HTR3B: variants seen among roughly 807,000 people sequenced by gnomAD.
HTR3B encodes the protein 5-hydroxytryptamine receptor 3B.
Under a neutral mutation model 42.8 loss-of-function variants are expected in HTR3B, and 44 were observed. The ratio of observed to expected loss-of-function variants is 1.03; its 90% CI spans 0.81 to 1.32. HTR3B has a LOEUF of 1.32. HTR3B is among the 40% of genes most tolerant of loss of function. The pLI is 0.00. For missense variants in HTR3B, 527 were observed against 536.5 expected, an observed-to-expected ratio of 0.98 and a Z score of 0.17; for synonymous variants, 203 against 209.0, an observed-to-expected ratio of 0.97 and a Z score of 0.25.
intron 2 of HTR3B, among the ~76,000 whole-genome samples, chr11:113,921,376 C>A (rs1432870366): frequency 2.0e-5 from 3 of 151,832 alleles, no homozygotes; most frequent in African/African-American, 7.3e-5. Flanking sequence ...GAACTCCTGA[C>A]CTTGTGATCT....
At chr11:113,940,906 G>A (rs1950129881) in intron 6 of HTR3B, among the ~76,000 whole-genome samples, 1 of 152,196 alleles carries the variant, frequency 6.6e-6, no homozygotes, top group Non-Finnish European at 1.5e-5. Context: ...TCAGAGGTCT[G>A]GTCAGGTCAA....
upstream of HTR3B, among the ~76,000 whole-genome samples, chr11:113,902,665 A>G (rs1949703786): frequency 6.6e-6 from 1 of 152,214 alleles, no homozygotes; most frequent in Non-Finnish European, 1.5e-5. Flanking sequence ...TAATCTCTAT[A>G]CAATTAAAAT....
intron 2 of HTR3B, among the ~76,000 whole-genome samples, chr11:113,926,721 G>A (rs189538755): frequency 3.0e-3 from 458 of 152,066 alleles, no homozygotes; most frequent in African/African-American, 0.011. Flanking sequence ...AGAGACAAGG[G>A]TTTCACCATG....
At chr11:113,922,073 C>T (rs780741702) in intron 2 of HTR3B, among the ~76,000 whole-genome samples, 2 of 152,154 alleles carry the variant, frequency 1.3e-5, no homozygotes, top group Non-Finnish European at 2.9e-5. Flanking sequence ...TTTCCCCTAC[C>T]AAATGTCTTT....
At chr11:113,933,171 G>C (rs1950055311) in intron 6 of HTR3B, 78 bp downstream of exon 6, 3 of 1,393,222 alleles carry the variant, frequency 2.2e-6, no homozygotes, top group Non-Finnish European at 3.0e-6. Flanking sequence ...AGGAATTTCT[G>C]CTCTATTGCA....
chr11:113,908,550 T>G (rs943830694), intron 1 of HTR3B, among the ~76,000 whole-genome samples: 1 of 152,186 alleles, frequency 6.6e-6, no homozygotes, highest in African/African-American at 2.4e-5. Context: ...CCTCACAAAT[T>G]TGTCACTTCC....
rs756972733 is a variant in HTR3B, at chr11:113,931,387, G to T, written c.217G>T (p.Ala73Ser). 3 of 1,599,328 alleles carry T rather than the reference G, an allele frequency of 1.9e-6. No individual in the cohort carries two copies. The highest frequency in any genetic ancestry group is 3.5e-5 in the Admixed American group (2 of 57,914). ...GGATTTTCTTTTTGCCTTGCAGGAT[G>T]CAGAGAATCAAATATTAAAGACAAG... ...LFVHAILDVDAENQILKTSVW... is the reference protein window; with the variant it reads ...LFVHAILDVDSENQILKTSVW... The change falls in exon 3 of 9, where the codon GCA becomes TCA. Residue 73 changes from alanine (A) to serine (S), a missense_variant. Coordinates refer to ENST00000260191, the MANE Select transcript of HTR3B (RefSeq NM_006028.5).
upstream of HTR3B, among the ~76,000 whole-genome samples, chr11:113,903,435 T>C (rs944933748): frequency 6.7e-6 from 1 of 148,758 alleles, no homozygotes; most frequent in East Asian, 1.9e-4. Context: ...TTTCTTTTTT[T>C]TTTTTTTTTT....
Position 113,947,094 on chromosome 11 carries a change from C to A in HTR3B, c.*957C>A, listed in dbSNP as rs1462199194. 2.0e-5 allele frequency among the ~76,000 whole-genome samples: 3 copies of A among 151,762 alleles called. No homozygotes were observed. Among genetic ancestry groups the A allele is most frequent in the Non-Finnish European group, 4.4e-5 (3 of 68,002 alleles). On this transcript the variant is annotated 3_prime_UTR_variant, in exon 9 of 9. Transcript: ENST00000260191. Reference sequence around the variant, plus strand: ...CAGTGCATCCCCACTGGAGAGAACCCAGGTGCCAAGGCTTCTTTTTTTTTT... The same window carrying A: ...CAGTGCATCCCCACTGGAGAGAACCAAGGTGCCAAGGCTTCTTTTTTTTTT...
In HTR3B at chr11:113,927,854, C is replaced by T. The variant is rs563508450; in HGVS notation, c.214-3530C>T. 2.0e-4 allele frequency among the ~76,000 whole-genome samples: 31 copies of T among 152,196 alleles called. No homozygotes were observed. In the South Asian group the frequency reaches 5.6e-3, roughly 28 times the overall value. ...ATTACAAGGTGTGAGCCACCGCACC[C>T]GGCCCTGTTTTCTCTTTTTTGTAAA... On this transcript the variant is annotated intron_variant, in intron 2 of 8. Transcript: ENST00000260191.
chr11:113,904,141 C>T (rs1949717041), upstream of HTR3B, among the ~76,000 whole-genome samples: 1 of 151,972 alleles, frequency 6.6e-6, no homozygotes, highest in African/African-American at 2.4e-5. Context: ...TAGAATTATG[C>T]ATCATGTTCC....
chr11:113,915,309 T>C (rs1413610660), intron 2 of HTR3B, among the ~76,000 whole-genome samples: 1 of 152,234 alleles, frequency 6.6e-6, no homozygotes, highest in African/African-American at 2.4e-5. Context: ...GCTCTTTAGA[T>C]ATCTTTACAT....
chr11:113,942,883 A>C, intron 6 of HTR3B, 99 bp from the exon 7 acceptor site: 3 of 939,228 alleles, frequency 3.2e-6, no homozygotes, highest in Non-Finnish European at 5.1e-6. Context: ...TTATGCAAAA[A>C]CGTTGGGTCT....
At chr11:113,936,165 G>A (rs1265872883) in intron 6 of HTR3B, among the ~76,000 whole-genome samples, 2 of 152,150 alleles carry the variant, frequency 1.3e-5, no homozygotes, top group Non-Finnish European at 2.9e-5. Context: ...AGCAGGGTGA[G>A]AGCATTTGAT....
chr11:113,910,833 C>CTT (rs11380661), intron 2 of HTR3B, among the ~76,000 whole-genome samples: 8,678 of 140,260 alleles, frequency 0.062, 375 homozygotes, highest in Non-Finnish European at 0.085. Flanking sequence ...GTTTTCTTTT[C>CTT]TTTTTTTTTT....
chr11:113,934,416 A>T (rs1298906818), intron 6 of HTR3B, among the ~76,000 whole-genome samples: 1 of 151,904 alleles, frequency 6.6e-6, no homozygotes, highest in Non-Finnish European at 1.5e-5. Flanking sequence ...GAAAAAAAGA[A>T]AGAAAGAAAG....
chr11:113,926,098 A>G (rs1342407559), intron 2 of HTR3B, among the ~76,000 whole-genome samples: 2 of 152,170 alleles, frequency 1.3e-5, no homozygotes, highest in African/African-American at 4.8e-5. Flanking sequence ...TTCTAGACAT[A>G]TTATATAAGT....
At chr11:113,931,195 A>G (rs919368522) in intron 2 of HTR3B, among the ~76,000 whole-genome samples, 189 bp from the exon 3 acceptor site, 2 of 152,196 alleles carry the variant, frequency 1.3e-5, no homozygotes, top group Non-Finnish European at 2.9e-5. Context: ...AGTAAAGCTC[A>G]TAGCGACAGG....
intron 2 of HTR3B, among the ~76,000 whole-genome samples, chr11:113,915,423 G>T (rs982339847): frequency 1.3e-5 from 2 of 152,016 alleles, no homozygotes; most frequent in Admixed American, 1.3e-4. Context: ...TCTAGTTTTG[G>T]CTTATACACA....
Sources: gnomAD v4.1 joint callset for allele counts (sites outside exome capture counted in the v4.1 genomes callset) on GRCh38, gnomAD v4.1.1 for gene constraint, MANE v1.5 for transcripts, NCBI Gene and HGNC (gene_info 2026-07-23, HGNC 2026-07-21) for gene names.